LURAP1L: variants seen among roughly 807,000 people sequenced by gnomAD.
The protein encoded by LURAP1L is leucine rich adaptor protein 1-like.
A neutral mutation model predicts 13.8 loss-of-function variants in LURAP1L; 12 were observed. The observed-to-expected ratio is 0.87, with a 90% confidence interval of 0.56 to 1.41. The LOEUF is 1.41. LURAP1L is among the 40% of genes most tolerant of loss of function. LURAP1L has a pLI of 0.00. For missense variants in LURAP1L, 375 were observed against 292.9 expected (o/e 1.28, Z -2.04); for synonymous variants, 139 against 119.2 (o/e 1.17, Z -1.08).
At chr9:12,814,245 G>T (rs568940710) in intron 1 of LURAP1L, 1 of 152,042 alleles carries the variant, frequency 6.6e-6, no homozygotes, top group Non-Finnish European at 1.5e-5. Flanking sequence ...CATGTGAAAA[G>T]AATATCTTAA....
chr9:12,794,203 A>G (rs1434286611), intron 1 of LURAP1L, among the ~76,000 whole-genome samples: 1 of 152,070 alleles, frequency 6.6e-6, no homozygotes, highest in East Asian at 1.9e-4. Flanking sequence ...ATATAAACAG[A>G]GAAAATGTAT....
At chr9:12,792,835 A>G (rs1157418532) in intron 1 of LURAP1L, among the ~76,000 whole-genome samples, 1 of 152,010 alleles carries the variant, frequency 6.6e-6, no homozygotes, top group African/African-American at 2.4e-5. Flanking sequence ...GAATTTTACC[A>G]TTTATATTTG....
intron 1 of LURAP1L, among the ~76,000 whole-genome samples, chr9:12,787,297 T>C (rs752084709): frequency 6.6e-6 from 1 of 152,156 alleles, no homozygotes; most frequent in Non-Finnish European, 1.5e-5. Flanking sequence ...AAATTGAAAT[T>C]CTGAGAAGTT....
rs1193755955 is a variant in LURAP1L, at chr9:12,822,684, T to G, written c.*924T>G. Among the ~76,000 whole-genome samples the G allele has an allele frequency of 3.3e-5, 5 of 152,176 alleles. No homozygotes were observed. Among genetic ancestry groups the G allele is most frequent in the African/African-American group, 1.2e-4 (5 of 41,452 alleles). The stretch of plus-strand genomic sequence containing the variant: ...TCCCTAAAGCAGAATTGTTATTCAT[T>G]TAAGAAGTCTAATATGATATACATT... On this transcript the variant is annotated 3_prime_UTR_variant, in exon 2 of 2. Coordinates refer to ENST00000319264, the MANE Select transcript of LURAP1L (RefSeq NM_203403.2).
At chr9:12,793,713 G>T (rs1586879399) in intron 1 of LURAP1L, among the ~76,000 whole-genome samples, 1 of 152,106 alleles carries the variant, frequency 6.6e-6, no homozygotes, top group East Asian at 1.9e-4. Context: ...GTGAAAAGCT[G>T]CTTCAAATGG....
intron 1 of LURAP1L, among the ~76,000 whole-genome samples, chr9:12,819,113 C>A (rs145039510): frequency 1.3e-5 from 2 of 152,110 alleles, no homozygotes; most frequent in African/African-American, 4.8e-5. Context: ...TATTGAGACA[C>A]CCCAACAAAT....
chr9:12,808,441 C>A (rs1403281800), intron 1 of LURAP1L, among the ~76,000 whole-genome samples: 2 of 152,026 alleles, frequency 1.3e-5, no homozygotes, highest in Non-Finnish European at 2.9e-5. Context: ...CACCATCCAC[C>A]CCCAGAACTT....
chr9:12,786,017 A>G (rs1212783849), intron 1 of LURAP1L, among the ~76,000 whole-genome samples: 1 of 152,028 alleles, frequency 6.6e-6, no homozygotes. Flanking sequence ...CATAATGTTG[A>G]TATGTTTGGA....
rs61755264 is a variant in LURAP1L, at chr9:12,821,696, T to C, written c.623T>C (p.Ile208Thr). 12,935 of 1,614,108 alleles carry C rather than the reference T, an allele frequency of 8.0e-3. 67 individuals carry two copies. Among genetic ancestry groups the C allele is most frequent in the Middle Eastern group, 0.013 (81 of 6,062 alleles). ...DLDQFSDSSL[I>T]EDSQALHKRP... The stretch of plus-strand genomic sequence containing the variant: ...GACCAATTCAGTGACAGCTCCCTCA[T>C]AGAGGACTCACAGGCACTACACAAG... Residue 208 changes from isoleucine (I) to threonine (T), a missense_variant, in exon 2 of 2, where the codon ATA (isoleucine) becomes ACA (threonine). Transcript: ENST00000319264.
intron 1 of LURAP1L, among the ~76,000 whole-genome samples, chr9:12,800,803 G>A (rs1013466546): frequency 6.6e-6 from 1 of 152,124 alleles, no homozygotes; most frequent in African/African-American, 2.4e-5. Context: ...TCAGAACCAT[G>A]AGCTGAACAA....
chr9:12,788,824 G>C (rs1237012094), intron 1 of LURAP1L, among the ~76,000 whole-genome samples: 2 of 151,640 alleles, frequency 1.3e-5, no homozygotes, highest in Non-Finnish European at 2.9e-5. Flanking sequence ...ACATATTACA[G>C]TTTGGTAAGA....
chr9:12,778,815 G>C (rs926328409), intron 1 of LURAP1L, among the ~76,000 whole-genome samples: 9 of 152,208 alleles, frequency 5.9e-5, no homozygotes, highest in African/African-American at 9.6e-5. Context: ...GAATTGTAGA[G>C]CCTAATGTCA....
Position 12,786,581 on chromosome 9 carries a change from T to TATATATATAAAC in LURAP1L, c.312+10555_312+10556insTATATATAAACA, listed in dbSNP as rs61134838. Among the ~76,000 whole-genome samples the TATATATATAAAC allele has an allele frequency of 4.8e-3, 585 of 121,316 alleles. 8 individuals are homozygous for TATATATATAAAC. Among genetic ancestry groups the TATATATATAAAC allele is most frequent in the South Asian group, 0.013 (39 of 3,066 alleles). 79.6% of individuals were successfully genotyped at this position (121,316 alleles called of 152,430 possible). A position where few individuals can be genotyped will look rare whatever the true frequency, so the allele number is the denominator to read the frequency against. On this transcript the variant is annotated intron_variant, in intron 1 of 1. Coordinates refer to ENST00000319264, the MANE Select transcript of LURAP1L (RefSeq NM_203403.2). ...ATATATATATATATATATATATATA[T>TATATATATAAAC]AAACCCTTGTGCCTTAAGTCTGTAT...
At chr9:12,784,845 G>A (rs544923932) in intron 1 of LURAP1L, among the ~76,000 whole-genome samples, 31 of 150,724 alleles carry the variant, frequency 2.1e-4, no homozygotes, top group Middle Eastern at 3.7e-3. Context: ...TCTGGAGTCG[G>A]GAACTTTAGG....
At chr9:12,803,876 T>C (rs73403690) in intron 1 of LURAP1L, among the ~76,000 whole-genome samples, 16,048 of 152,232 alleles carry the variant, frequency 0.11, 1,011 homozygotes, top group South Asian at 0.24. Context: ...AAGGTATTTG[T>C]GGAAAATAAA....
At chr9:12,806,740 T>C (rs1037653154) in intron 1 of LURAP1L, among the ~76,000 whole-genome samples, 4 of 151,904 alleles carry the variant, frequency 2.6e-5, no homozygotes, top group Non-Finnish European at 5.9e-5. Context: ...CTAGTAGGCC[T>C]AGAAAAAAAA....
intron 1 of LURAP1L, among the ~76,000 whole-genome samples, chr9:12,801,916 G>T (rs1044385742): frequency 3.9e-5 from 6 of 152,252 alleles, no homozygotes; most frequent in Admixed American, 2.0e-4. Flanking sequence ...TTGAAAAATG[G>T]AAAGCATCCA....
At chr9:12,778,099 G>T (rs890196280) in intron 1 of LURAP1L, among the ~76,000 whole-genome samples, 1 of 152,016 alleles carries the variant, frequency 6.6e-6, no homozygotes, top group African/African-American at 2.4e-5. Context: ...GTTGTTTTTT[G>T]GAGAATATTT....
rs1375631161 is a variant in LURAP1L, at chr9:12,775,108, C to G, written c.-608C>G. 1 of 152,148 alleles carries G rather than the reference C, an allele frequency of 6.6e-6. No individual in the cohort carries two copies. Among genetic ancestry groups the G allele is most frequent in the Non-Finnish European group, 1.5e-5 (1 of 68,056 alleles). 9.4% of individuals were successfully genotyped at this position (152,148 alleles called of 1,614,324 possible). On this transcript the variant is annotated 5_prime_UTR_variant, in exon 1 of 2. Coordinates refer to ENST00000319264, the MANE Select transcript of LURAP1L (RefSeq NM_203403.2). ...TAAACTCCTGCTAAGCTAACTAGCT[C>G]TTTTTTATGGGTCCATGCACACGAC...
Sources: gnomAD v4.1 joint callset for allele counts (sites outside exome capture counted in the v4.1 genomes callset) on GRCh38, gnomAD v4.1.1 for gene constraint, MANE v1.5 for transcripts, NCBI Gene and HGNC (gene_info 2026-07-23, HGNC 2026-07-21) for gene names.